CCDC179: variants seen among roughly 807,000 people sequenced by gnomAD.
CCDC179 encodes the protein coiled-coil domain containing 179.
In CCDC179, 17 loss-of-function variants were observed where a neutral mutation model predicts 12.0. That is an observed-to-expected ratio of 1.42 (90% CI 0.97 to 2.13). The LOEUF is 2.13. Among genes scored for constraint, CCDC179 ranks in the 30% most tolerant of loss-of-function variants. The probability of loss-of-function intolerance (pLI) is 0.00; values close to 1 mark genes in which losing one functional copy is unlikely to be tolerated. For synonymous variants in CCDC179, 27 were observed against 26.4 expected (o/e 1.02, Z -0.07); for missense variants, 83 against 78.6 (o/e 1.06, Z -0.21).
chr11:22,848,120 C>G (rs1386474195), intron 3 of CCDC179, among the ~76,000 whole-genome samples: 2 of 152,110 alleles, frequency 1.3e-5, no homozygotes, highest in Non-Finnish European at 2.9e-5. Flanking sequence ...AATACATACA[C>G]TTAACGATAT....
chr11:22,851,921 C>CT (rs924176129), intron 3 of CCDC179, among the ~76,000 whole-genome samples: 71 of 151,590 alleles, frequency 4.7e-4, no homozygotes, highest in African/African-American at 1.0e-3. Context: ...AGAGAACAAT[C>CT]TTTTTTTTTG....
At position 22,859,476 on chromosome 11, in the gene CCDC179, A is replaced by C; in HGVS notation, c.66T>G (p.His22Gln). 1 of 1,503,796 alleles carries C rather than the reference A, an allele frequency of 6.6e-7. No individual in the cohort carries two copies. The highest frequency in any genetic ancestry group is 8.9e-7 in the Non-Finnish European group (1 of 1,128,830). 93.2% of individuals were successfully genotyped at this position (1,503,796 alleles called of 1,614,324 possible). A position where few individuals can be genotyped will look rare whatever the true frequency, so the allele number is the denominator to read the frequency against. ...CCTGCCGCTCAGTGACCTCTGAAGG[A>C]TGATGTTGTCTTGGTCCTTCCTATA... ...QVNPEGPRQHHPSEVTERQLA... is the reference protein window; with the variant it reads ...QVNPEGPRQHQPSEVTERQLA... The change falls in exon 2 of 4, where the codon CAT becomes CAG. Residue 22 changes from histidine to glutamine, a missense_variant. Physicochemically the swap from His to Gln is conservative, Grantham distance 24 (BLOSUM62 0). Transcript: ENST00000532798.
Position 22,849,228 on chromosome 11 carries a change from C to A in CCDC179, c.196-1707G>T, listed in dbSNP as rs1858312440. On this transcript the variant is annotated intron_variant, in intron 3 of 3. Coordinates refer to ENST00000532798, the MANE Select transcript of CCDC179 (RefSeq NM_001195637.2). ...TTTCTCTTTTATGAGTTATCAGAGCCTTTATAATTGCCTAATACCATTAGT... is the reference window on the plus strand; with the variant it reads ...TTTCTCTTTTATGAGTTATCAGAGCATTTATAATTGCCTAATACCATTAGT... Among the ~76,000 whole-genome samples the A allele has an allele frequency of 2.0e-5, 3 of 152,050 alleles. No homozygotes were observed. In the South Asian group the frequency reaches 6.2e-4, roughly 32 times the overall value.
At chr11:22,858,475 A>T (rs1009527839) in intron 2 of CCDC179, among the ~76,000 whole-genome samples, 19 of 152,048 alleles carry the variant, frequency 1.2e-4, no homozygotes, top group Non-Finnish European at 2.7e-4. Flanking sequence ...TACCTAGGAG[A>T]TCAAACTAGA....
chr11:22,854,071 G>A (rs1385237264), intron 3 of CCDC179, among the ~76,000 whole-genome samples: 1 of 151,840 alleles, frequency 6.6e-6, no homozygotes, highest in East Asian at 1.9e-4. Flanking sequence ...AAGAAAAAGA[G>A]CAGAAACCTA....
Position 22,849,936 on chromosome 11 carries a change from C to T in CCDC179, c.196-2415G>A, listed in dbSNP as rs144463581. Among the ~76,000 whole-genome samples the T allele has an allele frequency of 6.3e-4, 96 of 152,148 alleles. 1 individual carries two copies. Among genetic ancestry groups the T allele is most frequent in the Middle Eastern group, 3.4e-3 (1 of 294 alleles). On this transcript the variant is annotated intron_variant, in intron 3 of 3. Coordinates refer to ENST00000532798, the MANE Select transcript of CCDC179 (RefSeq NM_001195637.2). Reference sequence around the variant, plus strand: ...GAGATTCCTGAGAGGAAAGACGGGCCGGTGGTGGAGGCGACAGATTTTATA... The same window carrying T: ...GAGATTCCTGAGAGGAAAGACGGGCTGGTGGTGGAGGCGACAGATTTTATA...
intron 2 of CCDC179, among the ~76,000 whole-genome samples, chr11:22,858,861 T>C (rs1858595911): frequency 6.6e-6 from 1 of 152,094 alleles, no homozygotes; most frequent in South Asian, 2.1e-4. Context: ...CTGTGATATG[T>C]TCCATGACAA....
chr11:22,855,943 A>T (rs1858519801), intron 3 of CCDC179, among the ~76,000 whole-genome samples: 1 of 151,414 alleles, frequency 6.6e-6, no homozygotes, highest in Non-Finnish European at 1.5e-5. Context: ...AAACTGACTA[A>T]ATCTAAAAAG....
intron 3 of CCDC179, among the ~76,000 whole-genome samples, chr11:22,850,934 C>T (rs1231596576): frequency 1.1e-5 from 1 of 94,418 alleles, no homozygotes; most frequent in Non-Finnish European, 2.0e-5. Context: ...ATATATGTTG[C>T]ATAGGCTATA....
At chr11:22,852,993 T>C (rs1355675700) in intron 3 of CCDC179, among the ~76,000 whole-genome samples, 1 of 152,160 alleles carries the variant, frequency 6.6e-6, no homozygotes, top group African/African-American at 2.4e-5. Flanking sequence ...ATTCCAGCTT[T>C]AAAAAATTGC....
At chr11:22,848,591 A>C (rs1858288774) in intron 3 of CCDC179, among the ~76,000 whole-genome samples, 1 of 152,246 alleles carries the variant, frequency 6.6e-6, no homozygotes, top group Admixed American at 6.5e-5. Context: ...ATTTGTAGGA[A>C]TTCAGGCTTT....
chr11:22,859,423 C>G (rs758945738), intron 2 of CCDC179, 29 bp downstream of exon 2: 1 of 1,449,230 alleles, frequency 6.9e-7, no homozygotes, highest in South Asian at 1.5e-5. Context: ...TTTAAACAAC[C>G]AGAACCTAGT....
chr11:22,852,522 G>T (rs538133085), intron 3 of CCDC179, among the ~76,000 whole-genome samples: 2 of 152,198 alleles, frequency 1.3e-5, no homozygotes, highest in Admixed American at 1.3e-4. Flanking sequence ...ATCTTTTCAG[G>T]CTTTTGCATT....
intron 3 of CCDC179, among the ~76,000 whole-genome samples, chr11:22,854,517 A>G (rs1194120031): frequency 6.6e-6 from 1 of 151,820 alleles, no homozygotes; most frequent in Non-Finnish European, 1.5e-5. Flanking sequence ...CAAATTATAA[A>G]TGTATAGTTC....
At chr11:22,848,107 A>G (rs949198505) in intron 3 of CCDC179, among the ~76,000 whole-genome samples, 3 of 152,344 alleles carry the variant, frequency 2.0e-5, no homozygotes, top group South Asian at 2.1e-4. Flanking sequence ...TTTAACATTC[A>G]TAAATACATA....
chr11:22,848,775 G>T (rs945180321), intron 3 of CCDC179, among the ~76,000 whole-genome samples: 1 of 152,182 alleles, frequency 6.6e-6, no homozygotes, highest in Admixed American at 6.5e-5. Flanking sequence ...AATTAACAAA[G>T]ATTAAAGCAG....
rs1206658856 is a variant in CCDC179, at chr11:22,853,635, A to G, written c.195+4287T>C. Among the ~76,000 whole-genome samples the G allele has an allele frequency of 4.3e-5, 6 of 140,712 alleles. No homozygotes were observed. The South Asian group carries it at 1.3e-3, about 31-fold the overall frequency. 92.3% of individuals were successfully genotyped at this position (140,712 alleles called of 152,430 possible). ...GAACTGAGCAACAATTACAAAAAGT[A>G]TAAATATGTACAATTGGAAAAAAAA... On this transcript the variant is annotated intron_variant, in intron 3 of 3. Coordinates refer to ENST00000532798, the MANE Select transcript of CCDC179 (RefSeq NM_001195637.2).
chr11:22,857,069 A>G (rs754764690), intron 3 of CCDC179, among the ~76,000 whole-genome samples: 1 of 151,744 alleles, frequency 6.6e-6, no homozygotes, highest in Non-Finnish European at 1.5e-5. Flanking sequence ...GGAAGACTCA[A>G]TATTGTTAAG....
intron 2 of CCDC179, chr11:22,858,245 A>G: frequency 2.9e-6 from 1 of 347,694 alleles, no homozygotes; most frequent in Non-Finnish European, 5.2e-6. Flanking sequence ...GGGTTTTCAA[A>G]TAAGACTATT....
Sources: gnomAD v4.1 joint callset for allele counts (sites outside exome capture counted in the v4.1 genomes callset) on GRCh38, gnomAD v4.1.1 for gene constraint, MANE v1.5 for transcripts, NCBI Gene and HGNC (gene_info 2026-07-23, HGNC 2026-07-21) for gene names.